ANKMY1: variants seen among roughly 807,000 people sequenced by gnomAD.
ANKMY1 encodes the protein ankyrin repeat and MYND domain-containing protein 1.
Under a neutral mutation model 102.0 loss-of-function variants are expected in ANKMY1, and 98 were observed. The observed-to-expected ratio is 0.96, with a 90% CI of 0.82 to 1.14. The LOEUF is 1.14. Ranked by LOEUF, ANKMY1 falls within the 50% of genes most tolerant of loss-of-function variation. The pLI, the probability that ANKMY1 is intolerant of heterozygous loss-of-function variation, is 0.00. For synonymous variants in ANKMY1, 582 were observed against 559.9 expected, an observed-to-expected ratio of 1.04 and a Z score of -0.56; for missense variants, 1,330 against 1,347.6, an observed-to-expected ratio of 0.99 and a Z score of 0.20.
chr2:240,560,134 C>G (rs1481774021), upstream of ANKMY1: 1 of 152,456 alleles, frequency 6.6e-6, no homozygotes, highest in African/African-American at 2.4e-5. Flanking sequence ...AAAAATGCAC[C>G]AATTACAAAG....
At chr2:240,533,309 C>T (rs889343536) in intron 4 of ANKMY1, among the ~76,000 whole-genome samples, 4 of 152,002 alleles carry the variant, frequency 2.6e-5, no homozygotes, top group African/African-American at 9.7e-5. Context: ...CAAAGAAAAA[C>T]TGCATAATAA....
upstream of ANKMY1, among the ~76,000 whole-genome samples, chr2:240,559,224 G>A (rs2092726819): frequency 6.6e-6 from 1 of 152,194 alleles, no homozygotes; most frequent in African/African-American, 2.4e-5. Flanking sequence ...TCAAGTAGCA[G>A]GCTTTGGAGC....
the ANKMY1 span, among the ~76,000 whole-genome samples, chr2:240,471,969 C>G: frequency 6.6e-6 from 1 of 152,130 alleles, no homozygotes; most frequent in Non-Finnish European, 1.5e-5. Flanking sequence ...GGCCCACCAA[C>G]CTTGGTTCCA....
chr2:240,521,490 G>GC lies in ANKMY1; in HGVS notation c.1833-958dup, dbSNP rs2082258919. Among the ~76,000 whole-genome samples, 3 of 109,754 alleles carry GC rather than the reference G, an allele frequency of 2.7e-5. No homozygotes were observed. The Admixed American group carries it at 2.8e-4, about 10-fold the overall frequency. The allele number at this position is 109,754 out of a possible 152,430, so 72.0% of individuals were successfully genotyped here. ...AAGTCGCGGAACTCGCGGTGTTACA[G>GC]CTTTTTTTTTTTTTTTTTTTTTTTT... On this transcript the variant is annotated intron_variant, in intron 8 of 17. Transcript: ENST00000401804.
chr2:240,540,768 G>A (rs929626303), intron 4 of ANKMY1, among the ~76,000 whole-genome samples: 3 of 152,180 alleles, frequency 2.0e-5, no homozygotes, highest in Non-Finnish European at 2.9e-5. Context: ...GACTGAACCC[G>A]TGATGTTTCA....
chr2:240,557,890 C>A lies in ANKMY1; in HGVS notation c.-27G>T, dbSNP rs2092573512. ...TGTCGCGAGACCGCACCAAGCAAGA[C>A]TCGAAGAGCTCGCGCCGGACAGCAG... is the stretch of plus-strand genomic sequence containing the variant. On this transcript the variant is annotated 5_prime_UTR_variant, in exon 1 of 18. Transcript: ENST00000401804. 1 of 985,532 alleles carries A rather than the reference C, an allele frequency of 1.0e-6. No homozygotes were observed. The highest frequency in any genetic ancestry group is 1.7e-5 in the African/African-American group (1 of 57,262). The allele number at this position is 985,532 out of a possible 1,614,324, so 61.0% of individuals were successfully genotyped here. A position where few individuals can be genotyped will look rare whatever the true frequency, so the allele number is the denominator to read the frequency against.
chr2:240,500,168 C>A, intron 14 of ANKMY1, 45 bp from the exon 15 acceptor site: 1 of 1,525,800 alleles, frequency 6.6e-7, no homozygotes, highest in Non-Finnish European at 8.8e-7. Context: ...GGGCCCGCCC[C>A]TCACTGCTGG....
At chr2:240,558,046 G>T, upstream of ANKMY1, 2 of 926,576 alleles carry the variant, frequency 2.2e-6, no homozygotes, top group Non-Finnish European at 2.6e-6. Flanking sequence ...CCACTCTCCG[G>T]CTCCGCCAAT....
In ANKMY1 at chr2:240,552,959, G is replaced by C. The variant is rs750018431; in HGVS notation, c.435C>G (p.His145Gln). ...TGTACATGGTGCCGTAGCCTTCTCG[G>C]TGGCTGAGGTAAAATGTGCCCGTGA... ...SSFTGTFYLS[H>Q]REGYGTMYMK... The change falls in exon 4 of 18, where the codon CAC (histidine) becomes CAG (glutamine). Residue 145 changes from histidine to glutamine, a missense_variant. By Grantham distance (24) the His-to-Gln change is conservative (BLOSUM62 0). Coordinates refer to ENST00000401804, the MANE Select transcript of ANKMY1 (RefSeq NM_001282771.3). The C allele has an allele frequency of 4.0e-5, 65 of 1,613,880 alleles. No individual in the cohort carries two copies. Among genetic ancestry groups the C allele is most frequent in the Non-Finnish European group, 5.5e-5 (65 of 1,180,030 alleles).
chr2:240,486,631 A>G (rs1459632707), intron 15 of ANKMY1, among the ~76,000 whole-genome samples: 3 of 152,226 alleles, frequency 2.0e-5, no homozygotes, highest in African/African-American at 4.8e-5. Context: ...TAAGATTCTC[A>G]GTTAACAGTT....
chr2:240,494,677 C>A (rs1230023348), intron 15 of ANKMY1, among the ~76,000 whole-genome samples: 1 of 152,110 alleles, frequency 6.6e-6, no homozygotes, highest in East Asian at 1.9e-4. Flanking sequence ...GAACCCAGTG[C>A]AACCTTCCTT....
upstream of ANKMY1, among the ~76,000 whole-genome samples, chr2:240,559,306 G>A (rs1435251440): frequency 3.3e-5 from 5 of 152,204 alleles, no homozygotes; most frequent in Admixed American, 3.3e-4. Flanking sequence ...AGGAGGAGGA[G>A]GGACTTCAGG....
At position 240,555,043 on chromosome 2, in the gene ANKMY1, T is replaced by C. The variant is rs1453066202; in HGVS notation, c.159A>G (p.Ala53=). 1 of 1,613,966 alleles carries C rather than the reference T, an allele frequency of 6.2e-7. No homozygotes were observed. Among genetic ancestry groups the C allele is most frequent in the Non-Finnish European group, 8.5e-7 (1 of 1,179,918 alleles). ...CTTCCTCCTCTTCCTTCTCAGGGGC[T>C]GCTGAAACATCCCTAAAAGGACAGG... ...YAVFATRDVS[A]APEKEEEEAE... The change falls in exon 3 of 18, where the codon GCA becomes GCG. Residue 53 remains alanine, a synonymous_variant. Coordinates refer to ENST00000401804, the MANE Select transcript of ANKMY1 (RefSeq NM_001282771.3).
chr2:240,470,193 C>T, the ANKMY1 span, among the ~76,000 whole-genome samples: 1 of 152,240 alleles, frequency 6.6e-6, no homozygotes, highest in Non-Finnish European at 1.5e-5. Context: ...GGACAGACGA[C>T]TAACTCCCAC....
chr2:240,524,802 CTT>C (rs1360873092), intron 7 of ANKMY1, among the ~76,000 whole-genome samples: 1 of 152,210 alleles, frequency 6.6e-6, no homozygotes. Flanking sequence ...ACCTGTTTTA[CTT>C]TTTCATGTGG....
intron 4 of ANKMY1, among the ~76,000 whole-genome samples, chr2:240,548,192 T>C (rs1338056555): frequency 6.6e-6 from 1 of 152,206 alleles, no homozygotes; most frequent in Non-Finnish European, 1.5e-5. Flanking sequence ...ATCCCTGGGA[T>C]GCAAGGGTGG....
chr2:240,499,905 C>T lies in ANKMY1; in HGVS notation c.2806+53G>A, dbSNP rs190285863. 44 of 1,545,478 alleles carry T rather than the reference C, an allele frequency of 2.8e-5. No individual in the cohort carries two copies. The highest frequency in any genetic ancestry group is 3.5e-5 in the Non-Finnish European group (40 of 1,139,776). ...TCTCCAGGGATAACAGCCCCAGGCA[C>T]GAGGCCGGAACGCCGCCCTGTGGAG... On this transcript the variant is annotated intron_variant, in intron 15 of 17. Coordinates refer to ENST00000401804, the MANE Select transcript of ANKMY1 (RefSeq NM_001282771.3). This position sits in a 1 kb window ranked among gnomAD's most constrained non-coding sequence, Gnocchi z 4.2.
intron 5 of ANKMY1, among the ~76,000 whole-genome samples, chr2:240,528,736 T>A (rs2084502344): frequency 6.6e-6 from 1 of 152,108 alleles, no homozygotes; most frequent in African/African-American, 2.4e-5. Flanking sequence ...CCTGGCTGCA[T>A]GTTCACCAAA....
At chr2:240,544,675 G>C (rs977149148) in intron 4 of ANKMY1, among the ~76,000 whole-genome samples, 11 of 151,948 alleles carry the variant, frequency 7.2e-5, no homozygotes, top group Middle Eastern at 3.4e-3. Context: ...CCGAAGCCGG[G>C]CGAGGCATTG....
Sources: allele counts gnomAD v4.1 joint callset (sites outside exome capture counted in the v4.1 genomes callset), GRCh38; gene constraint gnomAD v4.1.1; non-coding constraint Gnocchi (gnomAD v3.1); transcripts MANE v1.5; gene names NCBI Gene and HGNC (gene_info 2026-07-23, HGNC 2026-07-21).